The following INTS4 variants were observed in gnomAD, a reference collection of about 807,000 sequenced individuals.
INTS4 encodes integrator complex subunit 4.
INTS4 carries 70 observed loss-of-function variants against 119.5 expected under a neutral mutation model. The observed-to-expected ratio is 0.59, with a 90% CI of 0.48 to 0.71. INTS4 has a LOEUF of 0.71. Ranked by LOEUF, INTS4 falls within the 30% of genes least tolerant of loss-of-function variation. INTS4 has a pLI of 0.00. For missense variants in INTS4, 867 were observed against 1,173.2 expected (o/e 0.74, Z 3.81); for synonymous variants, 316 against 419.6 (o/e 0.75, Z 3.02).
At chr11:77,918,751 C>A (rs1953267874) in intron 15 of INTS4, 70 bp downstream of exon 15, 10 of 1,564,944 alleles carry the variant, frequency 6.4e-6, no homozygotes, top group Non-Finnish European at 8.7e-6. Flanking sequence ...GTAACCAACA[C>A]CAGAATTCAG....
At chr11:77,905,534 T>C (rs372328713) in intron 16 of INTS4, among the ~76,000 whole-genome samples, 4 of 152,046 alleles carry the variant, frequency 2.6e-5, no homozygotes, top group Admixed American at 2.0e-4. Flanking sequence ...TCTGACTCCA[T>C]GAAAGTGCAT....
chr11:77,928,384 G>A lies in INTS4; in HGVS notation c.1329C>T (p.Thr443=). 1 of 1,612,986 alleles carries A rather than the reference G, an allele frequency of 6.2e-7. No individual in the cohort carries two copies. The highest frequency in any genetic ancestry group is 8.5e-7 in the Non-Finnish European group (1 of 1,179,428). Residue 443 remains threonine (T), a synonymous_variant, in exon 11 of 23, where the codon ACC becomes ACT. Transcript: ENST00000534064. ...HTMRKISNNI[T]LREDQLDTVL... is the part of the protein sequence containing the mutation. ...CAGTGTCAAGCTGATCTTCTCGGAG[G>A]GTGATGTTGTTAGAGATTTTTCTCA...
At chr11:77,986,128 T>C (rs1856448241) in intron 2 of INTS4, among the ~76,000 whole-genome samples, 1 of 152,214 alleles carries the variant, frequency 6.6e-6, no homozygotes, top group African/African-American at 2.4e-5. Context: ...TTAAAGTGCT[T>C]GAGATCTGAC....
chr11:77,926,894 C>T (rs1410707019), intron 11 of INTS4, among the ~76,000 whole-genome samples: 1 of 151,664 alleles, frequency 6.6e-6, no homozygotes, highest in African/African-American at 2.4e-5. Context: ...CCTTGAGGAG[C>T]TCACAGTCTT....
At chr11:77,949,927 T>C (rs542716035) in intron 8 of INTS4, among the ~76,000 whole-genome samples, 4 of 152,318 alleles carry the variant, frequency 2.6e-5, no homozygotes, top group African/African-American at 7.2e-5. Flanking sequence ...CGTATGTTTA[T>C]TGCAGCACTG....
intron 10 of INTS4, among the ~76,000 whole-genome samples, chr11:77,933,580 C>A (rs1440713631): frequency 6.6e-6 from 1 of 152,184 alleles, no homozygotes; most frequent in Non-Finnish European, 1.5e-5. Flanking sequence ...GCTACAACCT[C>A]CACCTCCCAG....
chr11:77,939,831 C>A (rs1442729996), intron 9 of INTS4, among the ~76,000 whole-genome samples: 1 of 150,272 alleles, frequency 6.7e-6, no homozygotes, highest in East Asian at 2.0e-4. Flanking sequence ...GGCGACAGAG[C>A]GAGACCCTGT....
At chr11:77,971,834 C>T (rs1855748107) in intron 4 of INTS4, among the ~76,000 whole-genome samples, 1 of 152,074 alleles carries the variant, frequency 6.6e-6, no homozygotes, top group South Asian at 2.1e-4. Context: ...ATAATCCACT[C>T]CAAAATCCAA....
At chr11:77,956,751 AT>A (rs1954337155) in intron 7 of INTS4, among the ~76,000 whole-genome samples, 3 of 107,704 alleles carry the variant, frequency 2.8e-5, no homozygotes, top group Non-Finnish European at 5.9e-5. Context: ...AATAATAATA[AT>A]AATAATAAAC....
intron 19 of INTS4, among the ~76,000 whole-genome samples, chr11:77,894,071 T>C (rs1356974898): frequency 6.6e-6 from 1 of 152,158 alleles, no homozygotes; most frequent in Admixed American, 6.5e-5. Context: ...AGGTTTAGTT[T>C]TGAAGCTCCA....
At chr11:77,944,574 G>A (rs11237328) in intron 8 of INTS4, among the ~76,000 whole-genome samples, 29,263 of 152,062 alleles carry the variant, frequency 0.19, 2,855 homozygotes, top group Middle Eastern at 0.23. Flanking sequence ...AGCTATCCCT[G>A]GCTACCTGAC....
At chr11:77,907,538 T>A (rs1332054930) in intron 16 of INTS4, among the ~76,000 whole-genome samples, 179 bp downstream of exon 16, 7 of 152,188 alleles carry the variant, frequency 4.6e-5, no homozygotes, top group Non-Finnish European at 8.8e-5. Flanking sequence ...CAAATTCCTA[T>A]GAGTTAATAT....
At chr11:77,912,846 TA>T (rs1953120157) in intron 15 of INTS4, among the ~76,000 whole-genome samples, 1 of 152,140 alleles carries the variant, frequency 6.6e-6, no homozygotes, top group Non-Finnish European at 1.5e-5. Context: ...TAAAAGACAA[TA>T]AAAGTTTCAA....
At position 77,977,499 on chromosome 11, in the gene INTS4, C is replaced by CA. The variant is rs550924001; in HGVS notation, c.471+1496dup. Among the ~76,000 whole-genome samples, 19 of 151,412 alleles carry CA rather than the reference C, an allele frequency of 1.3e-4. No homozygotes were observed. The South Asian group carries it at 3.9e-3, about 31-fold the overall frequency. The stretch of plus-strand genomic sequence containing the variant: ...AAAAAGGAGCAAAATTATATGATTA[C>CA]AGCAATGTATTTAAAGAAAAAAAAT... On this transcript the variant is annotated intron_variant, in intron 4 of 22. Coordinates refer to ENST00000534064, the MANE Select transcript of INTS4 (RefSeq NM_033547.4).
intron 22 of INTS4, among the ~76,000 whole-genome samples, chr11:77,879,797 C>T (rs1387282960): frequency 1.3e-5 from 2 of 152,164 alleles, no homozygotes; most frequent in African/African-American, 2.4e-5. Context: ...GTACAACACA[C>T]GCTCTAACCA....
intron 4 of INTS4, among the ~76,000 whole-genome samples, chr11:77,964,900 C>A (rs566575499): frequency 6.6e-6 from 1 of 151,980 alleles, no homozygotes; most frequent in Non-Finnish European, 1.5e-5. Flanking sequence ...CACAAATTAT[C>A]TATTTTTGAT....
At chr11:77,876,525 G>A (rs951975905), downstream of INTS4, among the ~76,000 whole-genome samples, 1 of 151,762 alleles carries the variant, frequency 6.6e-6, no homozygotes, top group African/African-American at 2.4e-5. Context: ...GCCCAACCCC[G>A]ATACGATACT....
intron 4 of INTS4, among the ~76,000 whole-genome samples, chr11:77,976,024 C>T (rs1267550641): frequency 6.6e-6 from 1 of 150,874 alleles, no homozygotes; most frequent in Non-Finnish European, 1.5e-5. Flanking sequence ...ATATGCTTAA[C>T]TGGCAAAGGA....
intron 14 of INTS4, among the ~76,000 whole-genome samples, chr11:77,920,470 A>G (rs1953331291): frequency 1.3e-5 from 2 of 151,900 alleles, no homozygotes; most frequent in African/African-American, 4.8e-5. Flanking sequence ...ATTTTCTTCT[A>G]TATAACTCTA....
Sources: gnomAD v4.1 joint callset for allele counts (sites outside exome capture counted in the v4.1 genomes callset) on GRCh38, gnomAD v4.1.1 for gene constraint, MANE v1.5 for transcripts, NCBI Gene and HGNC (gene_info 2026-07-23, HGNC 2026-07-21) for gene names.